Variants in CPB2 observed in about 807,000 individuals in gnomAD.
CPB2 encodes carboxypeptidase B-like protein.
In CPB2, 54 loss-of-function variants were observed where a neutral mutation model predicts 57.0. The ratio of observed to expected loss-of-function variants is 0.95; its 90% CI spans 0.76 to 1.19. CPB2 has a LOEUF of 1.19. Among genes scored for constraint, CPB2 ranks in the 50% most tolerant of loss-of-function variants. The pLI, the probability that CPB2 is intolerant of heterozygous loss-of-function variation, is 0.00. For missense variants in CPB2, 426 were observed against 512.0 expected, an observed-to-expected ratio of 0.83 and a Z score of 1.62; for synonymous variants, 189 against 178.1, an observed-to-expected ratio of 1.06 and a Z score of -0.49.
rs1291253967 is a variant in CPB2 at position 46,053,868 on chromosome 13, G to T, written c.1088-70C>A. ...TTAATTTACAAACTGGGAATTGTTTGATTTAAATGTTTATTTGTTTGTATA... is the reference window on the plus strand; with the variant it reads ...TTAATTTACAAACTGGGAATTGTTTTATTTAAATGTTTATTTGTTTGTATA... On this transcript the variant is annotated intron_variant, in intron 10 of 10. Coordinates refer to ENST00000181383, the MANE Select transcript of CPB2 (RefSeq NM_001872.5). The T allele has an allele frequency of 1.5e-5, 22 of 1,450,806 alleles. No homozygotes were observed. In the East Asian group the frequency reaches 4.4e-4, roughly 29 times the overall value. The allele number at this position is 1,450,806 out of a possible 1,614,324, so 89.9% of individuals were successfully genotyped here.
rs146385530 is a variant in CPB2, at chr13:46,085,832, G to A, written c.151-1489C>T. ...AGCAGAAACCTCTGTGGTCAGTGGC[G>A]CCTTTGCCTAAGCTTTGCTCAGGCC... On this transcript the variant is annotated intron_variant, in intron 2 of 10. Coordinates refer to ENST00000181383, the MANE Select transcript of CPB2 (RefSeq NM_001872.5). 3.4e-3 allele frequency among the ~76,000 whole-genome samples: 516 copies of A among 152,302 alleles called. 3 individuals are homozygous for A. The highest frequency in any genetic ancestry group is 0.011 in the African/African-American group (455 of 41,558).
At chr13:46,084,379 A>G in intron 2 of CPB2, 36 bp from the exon 3 acceptor site, 1 of 1,612,064 alleles carries the variant, frequency 6.2e-7, no homozygotes, top group Non-Finnish European at 8.5e-7. Context: ...AAAATTAAAA[A>G]AGAGTTGTTC....
intron 1 of CPB2, among the ~76,000 whole-genome samples, chr13:46,088,541 A>C (rs2045244178): frequency 6.6e-6 from 1 of 152,228 alleles, no homozygotes; most frequent in African/African-American, 2.4e-5. Flanking sequence ...TTGCCATTTC[A>C]TGGGATATGC....
chr13:46,092,908 T>C (rs539843731), intron 1 of CPB2, among the ~76,000 whole-genome samples: 17 of 152,250 alleles, frequency 1.1e-4, no homozygotes, highest in African/African-American at 4.1e-4. Flanking sequence ...CCTTTGTTTG[T>C]TTTTGTTTGT....
chr13:46,095,019 G>A (rs1166417114), intron 1 of CPB2: 2 of 152,030 alleles, frequency 1.3e-5, no homozygotes, highest in African/African-American at 4.8e-5. Flanking sequence ...CTGCACCCTG[G>A]GGAAAGGGTA....
At chr13:46,074,090 C>A in intron 5 of CPB2, 113 bp from the exon 6 acceptor site, 1 of 512,476 alleles carries the variant, frequency 2.0e-6, no homozygotes, top group Non-Finnish European at 3.4e-6. Flanking sequence ...CTGAGATATG[C>A]ATTGTTCTGC....
intron 6 of CPB2, among the ~76,000 whole-genome samples, chr13:46,072,254 A>G (rs932465684): frequency 9.9e-5 from 15 of 152,202 alleles, no homozygotes; most frequent in Non-Finnish European, 1.8e-4. Context: ...TGAGAGACTT[A>G]AAAGCTAAGA....
chr13:46,083,913 G>T (rs949134489), intron 3 of CPB2, among the ~76,000 whole-genome samples: 10 of 152,202 alleles, frequency 6.6e-5, no homozygotes, highest in Non-Finnish European at 1.5e-5. Flanking sequence ...CAAGGCAAAT[G>T]ACAGTTTTGC....
chr13:46,098,002 C>A (rs984747494), intron 1 of CPB2, among the ~76,000 whole-genome samples: 16 of 152,122 alleles, frequency 1.1e-4, no homozygotes, highest in Non-Finnish European at 2.1e-4. Flanking sequence ...GGTTTTCTAG[C>A]CATGCAGGAA....
intron 2 of CPB2, among the ~76,000 whole-genome samples, chr13:46,085,798 C>T (rs2045194340): frequency 6.6e-6 from 1 of 152,222 alleles, no homozygotes; most frequent in South Asian, 2.1e-4. Context: ...TCCCTGGGGT[C>T]GCTTCACCAG....
chr13:46,054,146 A>G (rs2044646505), intron 10 of CPB2, among the ~76,000 whole-genome samples: 4 of 152,218 alleles, frequency 2.6e-5, no homozygotes, highest in Admixed American at 2.6e-4. Flanking sequence ...AGGAATTATG[A>G]ATTCTGATAA....
At chr13:46,073,846 T>C (rs746075631) in intron 6 of CPB2, 27 bp downstream of exon 6, 14 of 1,420,298 alleles carry the variant, frequency 9.9e-6, no homozygotes, top group East Asian at 4.7e-5. Context: ...TTTTGAGAAA[T>C]AGGGTTAAGA....
At chr13:46,092,789 A>G (rs1593916255) in intron 1 of CPB2, among the ~76,000 whole-genome samples, 1 of 152,330 alleles carries the variant, frequency 6.6e-6, no homozygotes, top group African/African-American at 2.4e-5. Flanking sequence ...CCTTCCCTAG[A>G]GAAGGTCTTG....
At position 46,087,769 on chromosome 13, in the gene CPB2, T is replaced by G; in HGVS notation, c.126A>C (p.Leu42=). Residue 42 remains leucine (L), a synonymous_variant, in exon 2 of 11, where the codon CTA becomes CTC. Transcript: ENST00000181383. ...LPRTSRQVQV[L]QNLTTTYEIV... ...CCTCATATGTTGTAGTAAGATTCTG[T>G]AGAACTTGAACTTGCCTAGAGGTTC... 1 of 1,611,004 alleles carries G rather than the reference T, an allele frequency of 6.2e-7. No homozygotes were observed.
chr13:46,095,541 C>T (rs1159945930), intron 1 of CPB2, among the ~76,000 whole-genome samples: 1 of 152,178 alleles, frequency 6.6e-6, no homozygotes, highest in Admixed American at 6.5e-5. Context: ...GGCATCTTTG[C>T]CGGGGTAGAG....
intron 1 of CPB2, chr13:46,097,409 C>T (rs2045381115): frequency 6.6e-6 from 1 of 152,190 alleles, no homozygotes; most frequent in Admixed American, 6.5e-5. Flanking sequence ...GGTAAGTTGA[C>T]TACATCTGTC....
intron 7 of CPB2, 152 bp from the exon 8 acceptor site, chr13:46,064,893 A>T (rs2139359566): frequency 3.1e-6 from 2 of 648,096 alleles, no homozygotes; most frequent in East Asian, 5.6e-5. Context: ...TTGTTGCAAT[A>T]TTCCTTTGCA....
At chr13:46,083,906 G>A (rs1166528768) in intron 3 of CPB2, among the ~76,000 whole-genome samples, 1 of 152,180 alleles carries the variant, frequency 6.6e-6, no homozygotes, top group Non-Finnish European at 1.5e-5. Context: ...AGCCTACCAA[G>A]GCAAATGACA....
At chr13:46,074,017 A>G (rs1367474363) in intron 5 of CPB2, 40 bp from the exon 6 acceptor site, 19 of 1,218,770 alleles carry the variant, frequency 1.6e-5, no homozygotes, top group Non-Finnish European at 2.0e-5. Flanking sequence ...AACAGTAACA[A>G]TAAGCTTCAG....
Sources: gnomAD v4.1 joint callset for allele counts (sites outside exome capture counted in the v4.1 genomes callset) on GRCh38, gnomAD v4.1.1 for gene constraint, MANE v1.5 for transcripts, NCBI Gene and HGNC (gene_info 2026-07-23, HGNC 2026-07-21) for gene names.